Variants in AGO2 observed in about 807,000 individuals in gnomAD.
The protein encoded by AGO2 is protein argonaute-2.
In AGO2, 5 loss-of-function variants were observed where a neutral mutation model predicts 102.3. The observed-to-expected ratio is 0.05, with a 90% CI of 0.03 to 0.10. The LOEUF (loss-of-function observed/expected upper bound fraction) is 0.10. Ranked by LOEUF, AGO2 falls within the 10% of genes least tolerant of loss-of-function variation. The pLI is 1.00. For missense variants in AGO2, 541 were observed against 1,183.7 expected (o/e 0.46, Z 7.97); for synonymous variants, 449 against 473.1 (o/e 0.95, Z 0.66).
At chr8:140,580,838 T>C (rs937185123) in intron 2 of AGO2, among the ~76,000 whole-genome samples, 1 of 152,258 alleles carries the variant, frequency 6.6e-6, no homozygotes, top group African/African-American at 2.4e-5. Context: ...CTCTCAAGCT[T>C]GCTCATAGCC....
At chr8:140,630,555 C>T (rs561126252) in intron 1 of AGO2, among the ~76,000 whole-genome samples, 4 of 152,224 alleles carry the variant, frequency 2.6e-5, no homozygotes, top group East Asian at 1.9e-4. Context: ...CAATGTGTGG[C>T]GTGGGCCAGC....
chr8:140,623,446 C>T (rs1302033739), intron 1 of AGO2, among the ~76,000 whole-genome samples: 1 of 152,156 alleles, frequency 6.6e-6, no homozygotes, highest in Non-Finnish European at 1.5e-5. Flanking sequence ...GCCACACGTC[C>T]CCCGGCACTC....
chr8:140,604,158 C>CACAAG, intron 1 of AGO2, among the ~76,000 whole-genome samples: 2 of 152,242 alleles, frequency 1.3e-5, no homozygotes, highest in Non-Finnish European at 2.9e-5. Flanking sequence ...CCTTGAGGCG[C>CACAAG]ACCAGGGAAA....
chr8:140,561,905 G>GGGCC (rs1237877251), intron 4 of AGO2, among the ~76,000 whole-genome samples: 1 of 152,204 alleles, frequency 6.6e-6, no homozygotes, highest in East Asian at 1.9e-4. Flanking sequence ...CTGCAACAGC[G>GGGCC]GGCCACTCAG....
chr8:140,564,870 T>G (rs7817147), intron 3 of AGO2, among the ~76,000 whole-genome samples: 7,883 of 152,308 alleles, frequency 0.052, 658 homozygotes, highest in African/African-American at 0.18. Flanking sequence ...GCGCAGTGGC[T>G]CACACCTGTA....
chr8:140,563,823 T>A (rs1195423494), intron 3 of AGO2, among the ~76,000 whole-genome samples: 1 of 152,142 alleles, frequency 6.6e-6, no homozygotes, highest in Non-Finnish European at 1.5e-5. Flanking sequence ...GCACATTTGC[T>A]CGCTCGCCCA....
intron 2 of AGO2, among the ~76,000 whole-genome samples, chr8:140,582,714 C>G (rs929747200): frequency 6.6e-6 from 1 of 152,090 alleles, no homozygotes; most frequent in Non-Finnish European, 1.5e-5. Flanking sequence ...TCTTTATGAT[C>G]CCTAGGTAGG....
intron 1 of AGO2, 75 bp from the exon 2 acceptor site, chr8:140,585,386 A>T (rs2073639950): frequency 1.3e-6 from 2 of 1,523,376 alleles, no homozygotes; most frequent in African/African-American, 2.7e-5. Flanking sequence ...CGCGGCCCCA[A>T]GCCACTATAT....
intron 3 of AGO2, among the ~76,000 whole-genome samples, chr8:140,570,948 C>T (rs1262123820): frequency 1.3e-5 from 2 of 152,164 alleles, no homozygotes; most frequent in South Asian, 2.1e-4. Flanking sequence ...TAAACATATA[C>T]AGACAAAACT....
In AGO2 at chr8:140,527,710, T is replaced by A. The variant is rs573549255; in HGVS notation, c.*4334A>T. On this transcript the variant is annotated 3_prime_UTR_variant, in exon 19 of 19. Transcript: ENST00000220592. The surrounding 1 kb of genome is among the most constrained non-coding windows in gnomAD (Gnocchi z 6.0). ...CATGAGCACTGAGGAAGTTTCTGTT[T>A]CTATTTATTGTACATTCCTTTTCTC... 6.6e-5 allele frequency: 10 copies of A among 152,374 alleles called. No homozygotes were observed. The South Asian group carries it at 1.9e-3, about 28-fold the overall frequency. 9.4% of individuals were successfully genotyped at this position (152,374 alleles called of 1,614,324 possible). A position where few individuals can be genotyped will look rare whatever the true frequency, so the allele number is the denominator to read the frequency against.
At chr8:140,580,136 C>T (rs569295569) in intron 2 of AGO2, among the ~76,000 whole-genome samples, 1 of 152,250 alleles carries the variant, frequency 6.6e-6, no homozygotes, top group East Asian at 1.9e-4. Context: ...TCAAGACTGG[C>T]TGTGTTGTGC....
chr8:140,636,921 C>T (rs1385041157), upstream of AGO2: 1 of 152,220 alleles, frequency 6.6e-6, no homozygotes, highest in Non-Finnish European at 1.5e-5. Flanking sequence ...TAGCCATTCA[C>T]AAAAATTCCA....
chr8:140,560,950 C>A (rs917344083), intron 4 of AGO2, among the ~76,000 whole-genome samples: 1 of 152,280 alleles, frequency 6.6e-6, no homozygotes, highest in Non-Finnish European at 1.5e-5. Flanking sequence ...CGTGGGGAGA[C>A]GTGTTGCTTC....
intron 1 of AGO2, chr8:140,592,932 T>C (rs1222819561): frequency 1.3e-5 from 2 of 152,352 alleles, no homozygotes; most frequent in Non-Finnish European, 2.9e-5. Flanking sequence ...AGGAGCTCCA[T>C]GGGGTGAGGT....
At chr8:140,560,141 C>G (rs753097344) in intron 5 of AGO2, among the ~76,000 whole-genome samples, 1 of 152,250 alleles carries the variant, frequency 6.6e-6, no homozygotes, top group African/African-American at 2.4e-5. Flanking sequence ...CGCCTCAGCC[C>G]CTGACCACAG....
rs770824028 is a variant in AGO2, at chr8:140,562,644, T to C, written c.337-10A>G. 5 of 1,611,820 alleles carry C rather than the reference T, an allele frequency of 3.1e-6. No individual in the cohort carries two copies. In the East Asian group the frequency reaches 8.9e-5, roughly 29 times the overall value. On this transcript the variant is annotated splice_polypyrimidine_tract_variant and intron_variant, in intron 3 of 18. Coordinates refer to ENST00000220592, the MANE Select transcript of AGO2 (RefSeq NM_012154.5). ...TGACCTCCAGCTCCACCTGCGAGGA[T>C]CCAAGGCACACAAGGTTACTCCCTC...
At chr8:140,532,306 G>A (rs1395601048) in intron 18 of AGO2, 110 bp downstream of exon 18, 1 of 1,420,524 alleles carries the variant, frequency 7.0e-7, no homozygotes, top group Admixed American at 2.0e-5. Context: ...CTTCTGGGGT[G>A]CCGGCTCCAG....
chr8:140,581,585 A>AACCC (rs2073558159), intron 2 of AGO2, among the ~76,000 whole-genome samples: 1 of 152,208 alleles, frequency 6.6e-6, no homozygotes. Context: ...TACCCCCTAA[A>AACCC]TCACAGATTC....
rs371475715 is a variant in AGO2, at chr8:140,618,420, T to C, written c.22+17065A>G. 4.6e-5 allele frequency among the ~76,000 whole-genome samples: 7 copies of C among 152,050 alleles called. No homozygotes were observed. The East Asian group carries it at 9.7e-4, about 21-fold the overall frequency. On this transcript the variant is annotated intron_variant, in intron 1 of 18. Coordinates refer to ENST00000220592, the MANE Select transcript of AGO2 (RefSeq NM_012154.5). ...AGGAGAAACACTTGAATTCAGGAAG[T>C]TGAGGCTACAGTTAGCTGTGACTGT... is the stretch of plus-strand genomic sequence containing the variant.
Sources: gnomAD v4.1 joint callset for allele counts (sites outside exome capture counted in the v4.1 genomes callset) on GRCh38, gnomAD v4.1.1 for gene constraint, Gnocchi (gnomAD v3.1) non-coding constraint, MANE v1.5 for transcripts, NCBI Gene and HGNC (gene_info 2026-07-23, HGNC 2026-07-21) for gene names.